NAV3: variants seen among roughly 807,000 people sequenced by gnomAD.
NAV3 encodes pore membrane and/or filament interacting like protein 1.
In NAV3, 87 loss-of-function variants were observed where a neutral mutation model predicts 244.7. The ratio of observed to expected loss-of-function variants is 0.36; its 90% confidence interval spans 0.30 to 0.42. The LOEUF (loss-of-function observed/expected upper bound fraction) is 0.42. NAV3 is among the 20% of genes least tolerant of loss of function. The probability of loss-of-function intolerance (pLI) is 1.00; values close to 1 mark genes in which losing one functional copy is unlikely to be tolerated. For missense variants in NAV3, 2,663 were observed against 2,893.3 expected, an observed-to-expected ratio of 0.92 and a Z score of 1.83; for synonymous variants, 1,126 against 1,042.2, an observed-to-expected ratio of 1.08 and a Z score of -1.55.
At chr12:77,714,223 G>A (rs1046039469) in intron 2 of NAV3, among the ~76,000 whole-genome samples, 1 of 152,122 alleles carries the variant, frequency 6.6e-6, no homozygotes, top group Non-Finnish European at 1.5e-5. Flanking sequence ...AGAAATTTGG[G>A]AAGTGAAGCT....
At chr12:78,000,453 T>A (rs1022113516) in intron 7 of NAV3, among the ~76,000 whole-genome samples, 2 of 152,012 alleles carry the variant, frequency 1.3e-5, no homozygotes, top group African/African-American at 4.8e-5. Context: ...AAATACTATC[T>A]TAAATTATAA....
At chr12:77,895,202 A>G (rs1452526964) in intron 1 of NAV3, among the ~76,000 whole-genome samples, 1 of 152,202 alleles carries the variant, frequency 6.6e-6, no homozygotes, top group Admixed American at 6.5e-5. Flanking sequence ...AGAAATGCAG[A>G]TATTCAATAT....
Position 78,180,938 on chromosome 12 carries a change from C to T in NAV3, c.5585C>T (p.Pro1862Leu), listed in dbSNP as rs778845211. Residue 1862 changes from proline to leucine, a missense_variant, in exon 30 of 40, where the codon CCT (proline) becomes CTT (leucine). By Grantham distance (98) the Pro-to-Leu change is moderately conservative. Transcript: ENST00000397909. ...LKAETGNTAK[P>L]TRPPSESSSS... The stretch of plus-strand genomic sequence containing the variant: ...GCAGAAACTGGTAACACAGCTAAGC[C>T]TACTCGGCCACCGTCAGAATCCTCA... 2.5e-6 allele frequency: 4 copies of T among 1,613,184 alleles called. No homozygotes were observed. Among genetic ancestry groups the T allele is most frequent in the African/African-American group, 1.3e-5 (1 of 74,950 alleles).
chr12:77,762,563 A>G (rs1024236385), intron 2 of NAV3, among the ~76,000 whole-genome samples: 16 of 152,094 alleles, frequency 1.1e-4, no homozygotes, highest in African/African-American at 3.6e-4. Context: ...AGATTGTGCC[A>G]TTGCACTCCA....
intron 1 of NAV3, among the ~76,000 whole-genome samples, chr12:77,864,560 A>G (rs1173519460): frequency 6.6e-6 from 1 of 152,006 alleles, no homozygotes; most frequent in Non-Finnish European, 1.5e-5. Context: ...AGCAAAGATT[A>G]TGTAAATTCT....
At chr12:77,706,786 G>A (rs1252144913) in intron 2 of NAV3, among the ~76,000 whole-genome samples, 2 of 148,858 alleles carry the variant, frequency 1.3e-5, no homozygotes, top group African/African-American at 2.5e-5. Context: ...CAGGAGAATG[G>A]CATGAGCCCG....
chr12:78,127,338 A>G, intron 17 of NAV3, 130 bp downstream of exon 17: 3 of 900,170 alleles, frequency 3.3e-6, no homozygotes, highest in Non-Finnish European at 3.5e-6. Flanking sequence ...TTTAATTTTG[A>G]TGGTTTCTCT....
intron 11 of NAV3, among the ~76,000 whole-genome samples, chr12:78,057,923 A>T (rs11108060): frequency 6.6e-6 from 1 of 152,156 alleles, no homozygotes; most frequent in Non-Finnish European, 1.5e-5. Context: ...ACAATCATTT[A>T]AAAAAGGTTC....
chr12:77,962,391 A>C (rs1892104416), intron 3 of NAV3, among the ~76,000 whole-genome samples: 1 of 152,184 alleles, frequency 6.6e-6, no homozygotes, highest in African/African-American at 2.4e-5. Flanking sequence ...GTCGAAAAAG[A>C]AACTTCCGAC....
At chr12:77,761,572 A>G (rs1681773647) in intron 2 of NAV3, among the ~76,000 whole-genome samples, 1 of 152,204 alleles carries the variant, frequency 6.6e-6, no homozygotes, top group South Asian at 2.1e-4. Context: ...ACTTAAACAA[A>G]TTTACAAGAA....
chr12:78,078,827 C>A (rs1179222821), intron 12 of NAV3, among the ~76,000 whole-genome samples: 2 of 152,148 alleles, frequency 1.3e-5, no homozygotes, highest in African/African-American at 4.8e-5. Flanking sequence ...TTTCCCCTCC[C>A]TTCAAAACAC....
chr12:77,909,721 G>A (rs898443322), intron 1 of NAV3, among the ~76,000 whole-genome samples: 1 of 151,898 alleles, frequency 6.6e-6, no homozygotes, highest in African/African-American at 2.4e-5. Context: ...CTTCTTCATG[G>A]ATGCTTTATA....
chr12:77,952,223 TA>T (rs1565952164), intron 3 of NAV3, among the ~76,000 whole-genome samples: 1 of 152,210 alleles, frequency 6.6e-6, no homozygotes, highest in Non-Finnish European at 1.5e-5. Flanking sequence ...CAGAAGTTTT[TA>T]ATTTTTATGA....
intron 2 of NAV3, among the ~76,000 whole-genome samples, chr12:77,585,888 C>T (rs1036155784): frequency 6.6e-5 from 10 of 152,152 alleles, no homozygotes; most frequent in Admixed American, 3.3e-4. Flanking sequence ...GCTAGCTGGG[C>T]GCGGTGGCAC....
At chr12:77,713,984 AC>A (rs1876242165) in intron 2 of NAV3, among the ~76,000 whole-genome samples, 1 of 152,162 alleles carries the variant, frequency 6.6e-6, no homozygotes, top group African/African-American at 2.4e-5. Context: ...TAATATTATT[AC>A]ATTGAAGATA....
intron 2 of NAV3, among the ~76,000 whole-genome samples, chr12:77,734,917 T>G (rs1374078032): frequency 2.6e-5 from 4 of 152,186 alleles, no homozygotes; most frequent in African/African-American, 9.6e-5. Flanking sequence ...CTTTTGAAAA[T>G]CTGTTTGTTT....
rs750554053 is a variant in NAV3 at position 78,122,253 on chromosome 12, G to C, written c.4063G>C (p.Ala1355Pro). 6.2e-7 allele frequency: 1 copy of C among 1,614,138 alleles called. No homozygotes were observed. The highest frequency in any genetic ancestry group is 1.1e-5 in the South Asian group (1 of 91,080). The change falls in exon 16 of 40, where the codon GCA (alanine) becomes CCA (proline). Residue 1355 changes from alanine to proline, a missense_variant. By Grantham distance (27) the Ala-to-Pro change is conservative. This residue lies in a region of NAV3 where 354 missense variants were observed against 413.0 expected (regional missense o/e 0.86). Coordinates refer to ENST00000397909, the MANE Select transcript of NAV3 (RefSeq NM_001024383.2). ...GGCTGCCAATATGAGCAGTTCCTCTGCAGGCAGCAAGGATACTCCGAGCTA... is the reference window on the plus strand; with the variant it reads ...GGCTGCCAATATGAGCAGTTCCTCTCCAGGCAGCAAGGATACTCCGAGCTA... ...VWAANMSSSSAGSKDTPSYQS... is the reference protein window; with the variant it reads ...VWAANMSSSSPGSKDTPSYQS...
intron 12 of NAV3, among the ~76,000 whole-genome samples, chr12:78,083,321 G>A (rs559594277): frequency 1.3e-5 from 2 of 152,066 alleles, no homozygotes; most frequent in Non-Finnish European, 2.9e-5. Flanking sequence ...TCTCATAAAG[G>A]TCTCACTTGT....
chr12:77,873,679 G>GTGTGTATATATATATATATATA (rs540390004), intron 1 of NAV3, among the ~76,000 whole-genome samples: 1 of 107,288 alleles, frequency 9.3e-6, no homozygotes. Context: ...ATTTGTATGT[G>GTGTGTATATATATATATATATA]TATATATATA....
Sources: allele counts gnomAD v4.1 joint callset (sites outside exome capture counted in the v4.1 genomes callset), GRCh38; gene constraint gnomAD v4.1.1; regional missense constraint gnomAD v4.1.1; transcripts MANE v1.5; gene names NCBI Gene and HGNC (gene_info 2026-07-23, HGNC 2026-07-21).